PREX2: variants seen among roughly 807,000 people sequenced by gnomAD.
PREX2 encodes the protein phosphatidylinositol 3,4,5-trisphosphate-dependent Rac exchanger 2 protein.
PREX2 carries 107 observed loss-of-function variants against 203.2 expected under a neutral mutation model. The ratio of observed to expected loss-of-function variants is 0.53; its 90% CI spans 0.45 to 0.62. The LOEUF is 0.62. Among genes scored for constraint, PREX2 ranks in the 20% least tolerant of loss-of-function variants. PREX2 has a pLI of 0.00. For missense variants in PREX2, 1,777 were observed against 1,955.9 expected (o/e 0.91, Z 1.72); for synonymous variants, 672 against 663.6 (o/e 1.01, Z -0.19).
chr8:68,120,325 A>C, intron 29 of PREX2, 39 bp downstream of exon 29: 1 of 1,385,136 alleles, frequency 7.2e-7, no homozygotes, highest in Non-Finnish European at 1.0e-6. Flanking sequence ...GCAATTGAGA[A>C]AAACAAGGTG....
rs540154502 is a variant in PREX2, at chr8:67,997,261, A to G, written c.142-20585A>G. Among the ~76,000 whole-genome samples the G allele has an allele frequency of 7.2e-5, 11 of 152,136 alleles. No individual in the cohort carries two copies. In the East Asian group the frequency reaches 1.7e-3, roughly 24 times the overall value. ...TCTCTTCTTTTTTTTTAGCTCTACA[A>G]TAGTCCCCCCTTAACCATGGAGGAA... On this transcript the variant is annotated intron_variant, in intron 1 of 39. Coordinates refer to ENST00000288368, the MANE Select transcript of PREX2 (RefSeq NM_024870.4).
chr8:68,186,975 G>A (rs558930440), intron 35 of PREX2, among the ~76,000 whole-genome samples: 1 of 151,760 alleles, frequency 6.6e-6, no homozygotes, highest in East Asian at 1.9e-4. Flanking sequence ...AGTGAATGTC[G>A]CAGAATCAGA....
At position 68,191,633 on chromosome 8, in the gene PREX2, A is replaced by T. The variant is rs3829023; in HGVS notation, c.4347-89A>T. The T allele has an allele frequency of 0.02, 17,916 of 910,760 alleles. 1,110 individuals are homozygous for T. In the East Asian group the frequency reaches 0.21, roughly 11 times the overall value. The allele number at this position is 910,760 out of a possible 1,614,324, so 56.4% of individuals were successfully genotyped here. On this transcript the variant is annotated intron_variant, in intron 35 of 39. Transcript: ENST00000288368. ...TGCTTTTGTTTATTCACTTGTTTTT[A>T]AAAAAAAGTCAGTGATTCTTGAACA...
chr8:68,207,664 T>A (rs1167745454), intron 37 of PREX2, among the ~76,000 whole-genome samples: 1 of 152,144 alleles, frequency 6.6e-6, no homozygotes, highest in Admixed American at 6.5e-5. Flanking sequence ...AATTATTTCA[T>A]ACAATCCTGA....
rs1263171334 is a variant in PREX2 at position 68,120,225 on chromosome 8, GC to G, written c.3535del (p.Gln1179ArgfsTer4). On this transcript the variant is annotated frameshift_variant, in exon 29 of 40. Transcript: ENST00000288368. LOFTEE classifies it high-confidence loss of function. ...ATTCAATTACCAATCTCCTAAAAGG[GC>G]AGGCTGTTGTGAGGGCCTTTGACCA... ...VDSITNLLKGQAVVRAFDQTK... is the reference protein window; with the variant it reads ...VDSITNLLKGXAVVRAFDQTK... 6.2e-7 allele frequency: 1 copy of G among 1,613,402 alleles called. No individual in the cohort carries two copies. The highest frequency in any genetic ancestry group is 8.5e-7 in the Non-Finnish European group (1 of 1,179,504).
chr8:68,008,647 A>C (rs1807171907), intron 1 of PREX2, among the ~76,000 whole-genome samples: 1 of 152,212 alleles, frequency 6.6e-6, no homozygotes, highest in African/African-American at 2.4e-5. Flanking sequence ...CTTGAATTGT[A>C]GCTCACATAA....
intron 23 of PREX2, among the ~76,000 whole-genome samples, chr8:68,104,286 C>A (rs535113030): frequency 6.6e-6 from 1 of 152,338 alleles, no homozygotes; most frequent in African/African-American, 2.4e-5. Context: ...GTACACTTCA[C>A]TCATGGTCAA....
chr8:68,066,623 A>G (rs1809023401), intron 11 of PREX2, among the ~76,000 whole-genome samples: 1 of 151,998 alleles, frequency 6.6e-6, no homozygotes, highest in Non-Finnish European at 1.5e-5. Context: ...TTTGCCTCCT[A>G]CTGAATATAT....
At chr8:68,127,235 C>T in intron 30 of PREX2, 143 bp from the exon 31 acceptor site, 2 of 555,234 alleles carry the variant, frequency 3.6e-6, no homozygotes, top group Non-Finnish European at 3.2e-6. Context: ...TTTTGCCATC[C>T]ATTGAAAGTA....
intron 4 of PREX2, among the ~76,000 whole-genome samples, chr8:68,025,378 A>G (rs1446563925): frequency 6.6e-6 from 1 of 151,552 alleles, no homozygotes; most frequent in African/African-American, 2.4e-5. Flanking sequence ...CTATAATTGT[A>G]TGGTTGTTAT....
intron 23 of PREX2, among the ~76,000 whole-genome samples, chr8:68,106,849 C>G (rs140260653): frequency 1.2e-3 from 186 of 152,232 alleles, no homozygotes; most frequent in African/African-American, 4.3e-3. Context: ...ATTATTTAAT[C>G]CATGTCCATT....
intron 1 of PREX2, among the ~76,000 whole-genome samples, chr8:67,997,464 C>A (rs1423141786): frequency 3.3e-5 from 5 of 152,102 alleles, no homozygotes; most frequent in Admixed American, 1.3e-4. Context: ...TAAAGGGGGA[C>A]TACTGTATTT....
At chr8:68,103,075 A>G in intron 23 of PREX2, 2 of 440,152 alleles carry the variant, frequency 4.5e-6, no homozygotes, top group Admixed American at 5.0e-5. Flanking sequence ...TCCTAGATAG[A>G]AATATTTAAC....
At chr8:68,084,738 C>T (rs1407146128) in intron 18 of PREX2, among the ~76,000 whole-genome samples, 2 of 152,168 alleles carry the variant, frequency 1.3e-5, no homozygotes, top group Non-Finnish European at 2.9e-5. Context: ...TTATTCAACT[C>T]TGTCTAGGAG....
chr8:68,165,282 T>C (rs1200444627), intron 35 of PREX2, among the ~76,000 whole-genome samples: 1 of 152,162 alleles, frequency 6.6e-6, no homozygotes, highest in Non-Finnish European at 1.5e-5. Context: ...TTTTCATTCA[T>C]TTCCCCATTT....
intron 20 of PREX2, among the ~76,000 whole-genome samples, chr8:68,091,926 C>A (rs1350480991): frequency 6.6e-6 from 1 of 152,134 alleles, no homozygotes; most frequent in South Asian, 2.1e-4. Context: ...ACAAAATAGA[C>A]CACTGCAAAA....
chr8:68,097,268 T>G lies in PREX2; in HGVS notation c.2553+67T>G, dbSNP rs1337126053. On this transcript the variant is annotated intron_variant, in intron 22 of 39. Transcript: ENST00000288368. Reference sequence around the variant, plus strand: ...AAAGGAACTGAAATCCTCCCTCTCCTTCACTTAAAAAAATAAAAATAGCTA... The same window carrying G: ...AAAGGAACTGAAATCCTCCCTCTCCGTCACTTAAAAAAATAAAAATAGCTA... 3 of 1,324,896 alleles carry G rather than the reference T, an allele frequency of 2.3e-6. No individual in the cohort carries two copies. The Admixed American group carries it at 7.4e-5, about 33-fold the overall frequency. 82.1% of individuals were successfully genotyped at this position (1,324,896 alleles called of 1,614,324 possible). A position where few individuals can be genotyped will look rare whatever the true frequency, so the allele number is the denominator to read the frequency against.
chr8:68,043,310 G>A (rs943602530), intron 7 of PREX2, among the ~76,000 whole-genome samples: 1 of 152,074 alleles, frequency 6.6e-6, no homozygotes, highest in South Asian at 2.1e-4. Flanking sequence ...CTAATGAATC[G>A]ATTTGCTTAG....
At chr8:68,035,939 T>C (rs1302226317) in intron 6 of PREX2, among the ~76,000 whole-genome samples, 1 of 152,174 alleles carries the variant, frequency 6.6e-6, no homozygotes, top group Non-Finnish European at 1.5e-5. Flanking sequence ...CTAGAAGCTG[T>C]CAGTGGTTGT....
Sources: allele counts gnomAD v4.1 joint callset (sites outside exome capture counted in the v4.1 genomes callset), GRCh38; gene constraint gnomAD v4.1.1; transcripts MANE v1.5; gene names NCBI Gene and HGNC (gene_info 2026-07-23, HGNC 2026-07-21).